The following UBN1 variants were observed in gnomAD, a reference collection of about 807,000 sequenced individuals.
UBN1 encodes the protein ubinuclein 1.
In UBN1, 17 loss-of-function variants were observed where a neutral mutation model predicts 108.5. That is an observed-to-expected ratio of 0.16 (90% CI 0.11 to 0.24). UBN1 has a LOEUF of 0.24. UBN1 is among the 10% of genes least tolerant of loss of function. The probability of loss-of-function intolerance (pLI) is 1.00; values close to 1 mark genes in which losing one functional copy is unlikely to be tolerated. For missense variants in UBN1, 1,595 were observed against 1,394.4 expected, an observed-to-expected ratio of 1.14 and a Z score of -2.29; for synonymous variants, 726 against 564.2, an observed-to-expected ratio of 1.29 and a Z score of -4.07.
At chr16:4,852,852 C>T in intron 1 of UBN1, 27 bp from the exon 2 acceptor site, 1 of 1,535,092 alleles carries the variant, frequency 6.5e-7, no homozygotes, top group Middle Eastern at 1.8e-4. Context: ...CTTCGTTTGA[C>T]CTGGCCCTTC....
chr16:4,856,859 C>G (rs1413975567), intron 2 of UBN1, among the ~76,000 whole-genome samples: 2 of 152,206 alleles, frequency 1.3e-5, no homozygotes, highest in East Asian at 1.9e-4. Flanking sequence ...GATGTATGCT[C>G]TATAATATCC....
chr16:4,858,863 C>T (rs2142158378), intron 4 of UBN1, 162 bp from the exon 5 acceptor site: 1 of 1,074,420 alleles, frequency 9.3e-7, no homozygotes, highest in South Asian at 1.5e-5. Context: ...CAGATCTGTC[C>T]AAAACACCTT....
At chr16:4,859,486 G>A (rs956497607) in intron 5 of UBN1, among the ~76,000 whole-genome samples, 2 of 152,190 alleles carry the variant, frequency 1.3e-5, no homozygotes, top group African/African-American at 4.8e-5. Flanking sequence ...CCTCTTCTGT[G>A]GACATGTAGA....
chr16:4,862,343 A>G (rs2087106999), intron 7 of UBN1, among the ~76,000 whole-genome samples: 3 of 152,224 alleles, frequency 2.0e-5, no homozygotes, highest in Admixed American at 2.0e-4. Flanking sequence ...TCAAAGCTCT[A>G]CCTCATCTTT....
At position 4,870,918 on chromosome 16, in the gene UBN1, G is replaced by C. The variant is rs1299642879; in HGVS notation, c.1505G>C (p.Gly502Ala). 3 of 1,614,026 alleles carry C rather than the reference G, an allele frequency of 1.9e-6. No individual in the cohort carries two copies. The African/African-American group carries it at 4.0e-5, about 22-fold the overall frequency. ...CSDEEEDEEKGGRRIMGPRKK... is the reference protein window; with the variant it reads ...CSDEEEDEEKAGRRIMGPRKK... ...GATGAGGAAGAAGATGAAGAAAAAGGGGGCAGGAGGATAATGGGACCTCGG... is the reference window on the plus strand; with the variant it reads ...GATGAGGAAGAAGATGAAGAAAAAGCGGGCAGGAGGATAATGGGACCTCGG... The change falls in exon 11 of 18, where the codon GGG (glycine) becomes GCG (alanine). Residue 502 changes from glycine to alanine, a missense_variant. Physicochemically the swap from Gly to Ala is moderately conservative, Grantham distance 60. Around this residue, in one of 3 missense-constraint regions of UBN1, gnomAD observed 1,398 missense variants for 1,194.7 expected, o/e 1.17. Transcript: ENST00000262376.
chr16:4,879,513 C>G (rs1485097030), intron 17 of UBN1, among the ~76,000 whole-genome samples: 1 of 151,736 alleles, frequency 6.6e-6, no homozygotes, highest in Non-Finnish European at 1.5e-5. Flanking sequence ...AGAAAAGCAA[C>G]TATACCAAAA....
chr16:4,848,099 C>T lies in UBN1; in HGVS notation c.-151C>T, dbSNP rs1320027081. ...TGGGCCGAGGCGCGGGCCGCCCGCCCGCTGGGAGCCACGGCTTAGCAGCCG... is the reference window on the plus strand; with the variant it reads ...TGGGCCGAGGCGCGGGCCGCCCGCCTGCTGGGAGCCACGGCTTAGCAGCCG... On this transcript the variant is annotated 5_prime_UTR_variant, in exon 1 of 18. Coordinates refer to ENST00000262376, the MANE Select transcript of UBN1 (RefSeq NM_001079514.3). 4 of 152,034 alleles carry T rather than the reference C, an allele frequency of 2.6e-5. No individual in the cohort carries two copies. Among genetic ancestry groups the T allele is most frequent in the Non-Finnish European group, 4.4e-5 (3 of 68,000 alleles). The allele number at this position is 152,034 out of a possible 1,614,324, so 9.4% of individuals were successfully genotyped here.
Position 4,859,054 on chromosome 16 carries a change from T to C in UBN1, c.462T>C (p.Thr154=). Residue 154 remains threonine (T), a synonymous_variant, in exon 5 of 18, where the codon ACT becomes ACC. Coordinates refer to ENST00000262376, the MANE Select transcript of UBN1 (RefSeq NM_001079514.3). ...ATGAGCTTGTTCCTGCTTCTTTGACTACGAAGTATGGAGGATTTTACATTA... is the reference window on the plus strand; with the variant it reads ...ATGAGCTTGTTCCTGCTTCTTTGACCACGAAGTATGGAGGATTTTACATTA... ...AYDELVPASL[T]TKYGGFYINS... is the part of the protein sequence containing the mutation. The C allele has an allele frequency of 6.2e-7, 1 of 1,614,134 alleles. No individual in the cohort carries two copies. Among genetic ancestry groups the C allele is most frequent in the Non-Finnish European group, 8.5e-7 (1 of 1,180,016 alleles).
intron 7 of UBN1, among the ~76,000 whole-genome samples, chr16:4,868,608 A>C (rs2142226420): frequency 1.3e-5 from 2 of 152,296 alleles, no homozygotes; most frequent in South Asian, 4.1e-4. Context: ...GACTGTTTTA[A>C]GTCCCAGGAA....
At position 4,847,506 on chromosome 16, in the gene UBN1, G is replaced by GT; in HGVS notation, c.-743dup. 1.9e-6 allele frequency: 1 copy of GT among 536,134 alleles called. No individual in the cohort carries two copies. Among genetic ancestry groups the GT allele is most frequent in the Non-Finnish European group, 3.2e-6 (1 of 316,610 alleles). The allele number at this position is 536,134 out of a possible 1,614,324, so 33.2% of individuals were successfully genotyped here. ...GGCTCCTTCCCCCTCCCTTCGGCTC[G>GT]TGACAACGAAGCGCCCGCGGTCTGA... On this transcript the variant is annotated 5_prime_UTR_variant, in exon 1 of 18. Coordinates refer to ENST00000262376, the MANE Select transcript of UBN1 (RefSeq NM_001079514.3).
chr16:4,856,522 C>G, intron 2 of UBN1, among the ~76,000 whole-genome samples: 1 of 152,150 alleles, frequency 6.6e-6, no homozygotes, highest in East Asian at 1.9e-4. Context: ...GAGAATGGTA[C>G]CACCGCAGGT....
intron 1 of UBN1, 22 bp from the exon 2 acceptor site, chr16:4,852,857 C>G (rs970075413): frequency 6.5e-7 from 1 of 1,542,498 alleles, no homozygotes. Context: ...TTTGACCTGG[C>G]CCTTCTTTTC....
chr16:4,858,112 T>C lies in UBN1; in HGVS notation c.336+36T>C, dbSNP rs868262326. 1.1e-5 allele frequency: 15 copies of C among 1,423,488 alleles called. No homozygotes were observed. The Middle Eastern group carries it at 8.7e-4, about 83-fold the overall frequency. The allele number at this position is 1,423,488 out of a possible 1,614,324, so 88.2% of individuals were successfully genotyped here. A position where few individuals can be genotyped will look rare whatever the true frequency, so the allele number is the denominator to read the frequency against. On this transcript the variant is annotated intron_variant, in intron 3 of 17. Transcript: ENST00000262376. ...TCTCTTGAATAACAAAACAACCTCATTGGGTGGGAGACGTTTCCACACTGT... is the reference window on the plus strand; with the variant it reads ...TCTCTTGAATAACAAAACAACCTCACTGGGTGGGAGACGTTTCCACACTGT...
chr16:4,852,622 C>T (rs73517047), intron 1 of UBN1: 2,617 of 237,024 alleles, frequency 0.011, 69 homozygotes, highest in African/African-American at 0.055. Context: ...GCTCTGTCAG[C>T]ATGGGTTCTT....
At chr16:4,876,141 G>A (rs2660222) in intron 15 of UBN1, among the ~76,000 whole-genome samples, 2,790 of 152,082 alleles carry the variant, frequency 0.018, 50 homozygotes, top group South Asian at 0.051. Flanking sequence ...TGTGTTTTTA[G>A]TAGAGATGGA....
intron 7 of UBN1, among the ~76,000 whole-genome samples, chr16:4,864,866 GA>G (rs57902303): frequency 0.072 from 10,946 of 151,442 alleles, 1,214 homozygotes; most frequent in African/African-American, 0.24. Flanking sequence ...AACGTAGGGG[GA>G]AAAAAAACGA....
At chr16:4,848,871 C>T (rs1288042056) in intron 1 of UBN1, among the ~76,000 whole-genome samples, 1 of 152,084 alleles carries the variant, frequency 6.6e-6, no homozygotes, top group Admixed American at 6.6e-5. Context: ...GATGCCGAGG[C>T]GGGTGGACCA....
In UBN1 at chr16:4,880,254, C is replaced by T; in HGVS notation, c.*122C>T. 1 of 1,171,290 alleles carries T rather than the reference C, an allele frequency of 8.5e-7. No homozygotes were observed. The allele number at this position is 1,171,290 out of a possible 1,614,324, so 72.6% of individuals were successfully genotyped here. A position where few individuals can be genotyped will look rare whatever the true frequency, so the allele number is the denominator to read the frequency against. Reference sequence around the variant, plus strand: ...GTGTTCTTCTGGAGGAGCGTGAGTTCTCAGCGGAGCGCTTCTCGGCACTTC... The same window carrying T: ...GTGTTCTTCTGGAGGAGCGTGAGTTTTCAGCGGAGCGCTTCTCGGCACTTC... On this transcript the variant is annotated 3_prime_UTR_variant, in exon 18 of 18. Coordinates refer to ENST00000262376, the MANE Select transcript of UBN1 (RefSeq NM_001079514.3).
intron 8 of UBN1, among the ~76,000 whole-genome samples, chr16:4,869,499 TC>T (rs1421724905): frequency 6.6e-6 from 1 of 152,224 alleles, no homozygotes; most frequent in African/African-American, 2.4e-5. Context: ...TTGCCGCTTT[TC>T]TCCTGGTTGC....
Sources: allele counts gnomAD v4.1 joint callset (sites outside exome capture counted in the v4.1 genomes callset), GRCh38; gene constraint gnomAD v4.1.1; regional missense constraint gnomAD v4.1.1; transcripts MANE v1.5; gene names NCBI Gene and HGNC (gene_info 2026-07-23, HGNC 2026-07-21).